FAM221B: variants seen among roughly 807,000 people sequenced by gnomAD.
The protein encoded by FAM221B is protein FAM221B.
In FAM221B, 35 loss-of-function variants were observed where a neutral mutation model predicts 39.8. The ratio of observed to expected loss-of-function variants is 0.88; its 90% CI spans 0.67 to 1.17. The LOEUF (loss-of-function observed/expected upper bound fraction) is 1.17, where lower values mean the gene tolerates loss of function less well. Among genes scored for constraint, FAM221B ranks in the 50% most tolerant of loss-of-function variants. The probability of loss-of-function intolerance (pLI) is 0.00; values close to 1 mark genes in which losing one functional copy is unlikely to be tolerated. For synonymous variants in FAM221B, 158 were observed against 178.1 expected (o/e 0.89, Z 0.90); for missense variants, 479 against 503.1 (o/e 0.95, Z 0.46).
chr9:35,820,088 G>C, intron 3 of FAM221B, 88 bp from the exon 4 acceptor site: 1 of 909,374 alleles, frequency 1.1e-6, no homozygotes, highest in South Asian at 1.5e-5. Context: ...AGGTGAGGGG[G>C]TGGGGGGAAC....
chr9:35,822,037 A>G (rs1163074702), intron 3 of FAM221B, among the ~76,000 whole-genome samples: 1 of 152,226 alleles, frequency 6.6e-6, no homozygotes, highest in Non-Finnish European at 1.5e-5. Flanking sequence ...GTATGTCTCC[A>G]TAAAACACAT....
In FAM221B at chr9:35,825,264, C is replaced by T. The variant is rs1183943625; in HGVS notation, c.708G>A (p.Trp236Ter). The T allele has an allele frequency of 6.2e-7, 1 of 1,614,118 alleles. No homozygotes were observed. The highest frequency in any genetic ancestry group is 8.5e-7 in the Non-Finnish European group (1 of 1,180,050). The change falls in exon 3 of 7, where the codon TGG becomes TGA. Residue 236 changes from tryptophan (W) to a stop codon, truncating the protein, a stop_gained. Coordinates refer to ENST00000423537, the MANE Select transcript of FAM221B (RefSeq NM_001012446.4). LOFTEE classifies it high-confidence loss of function. This position sits in a 1 kb window ranked among gnomAD's most constrained non-coding sequence, Gnocchi z 4.2. ...TGGCATTCAGGGCTGCATCCTTCTC[C>T]CACTGGAAAAGATTGTTCACTTGAG... ...FGAQVNNLFQ[W>*]EKDAALNAIQ...
intron 3 of FAM221B, 50 bp from the exon 4 acceptor site, chr9:35,820,050 C>G (rs72727073): frequency 1.5e-5 from 21 of 1,390,408 alleles, no homozygotes; most frequent in South Asian, 3.5e-5. Flanking sequence ...TAAGCTCCCC[C>G]GAAGTGTTCT....
intron 3 of FAM221B, among the ~76,000 whole-genome samples, chr9:35,822,231 C>T (rs556699304): frequency 1.3e-5 from 2 of 152,270 alleles, no homozygotes; most frequent in East Asian, 3.9e-4. Context: ...CAACACATGC[C>T]TACCAAGCAT....
Position 35,828,456 on chromosome 9 carries a change from C to CACCT in FAM221B, c.-1+3_-1+6dup. ...AGAGGGCAAGGGCCGTTGGAGAAACCACCTACCCTCTGGGCTTTGGCTTGG... is the reference window on the plus strand; with the variant it reads ...AGAGGGCAAGGGCCGTTGGAGAAACCACCTACCTACCCTCTGGGCTTTGGCTTGG... On this transcript the variant is annotated splice_region_variant and intron_variant, in intron 1 of 6. Transcript: ENST00000423537. The surrounding 1 kb of genome is among the most constrained non-coding windows in gnomAD (Gnocchi z 4.5). 1 of 985,182 alleles carries CACCT rather than the reference C, an allele frequency of 1.0e-6. No homozygotes were observed. Among genetic ancestry groups the CACCT allele is most frequent in the Non-Finnish European group, 1.2e-6 (1 of 829,758 alleles). The allele number at this position is 985,182 out of a possible 1,614,324, so 61.0% of individuals were successfully genotyped here.
Position 35,818,385 on chromosome 9 carries a change from C to G in FAM221B, c.*84G>C. ...TCAACTCTAAGTTATTAGGCAGTCT[C>G]TCCCTGGGCTGGGATCTACCTGCCC... On this transcript the variant is annotated 3_prime_UTR_variant, in exon 7 of 7. Transcript: ENST00000423537. The G allele has an allele frequency of 3.1e-6, 4 of 1,296,304 alleles. No homozygotes were observed. Among genetic ancestry groups the G allele is most frequent in the Non-Finnish European group, 3.3e-6 (3 of 915,298 alleles). 80.3% of individuals were successfully genotyped at this position (1,296,304 alleles called of 1,614,324 possible). A position where few individuals can be genotyped will look rare whatever the true frequency, so the allele number is the denominator to read the frequency against.
chr9:35,818,545 G>C (rs370063671), intron 6 of FAM221B, 39 bp from the exon 7 acceptor site: 1 of 1,546,766 alleles, frequency 6.5e-7, no homozygotes, highest in Non-Finnish European at 8.7e-7. Flanking sequence ...GGTCAGGTAT[G>C]GGGGTCAGAA....
At chr9:35,822,933 T>C (rs1394991332) in intron 3 of FAM221B, among the ~76,000 whole-genome samples, 1 of 152,240 alleles carries the variant, frequency 6.6e-6, no homozygotes, top group African/African-American at 2.4e-5. Flanking sequence ...CTAGTGACTC[T>C]CAGTTGCCCT....
chr9:35,818,327 C>T lies in FAM221B; in HGVS notation c.*142G>A. ...TGTGAGTGTGATGGAGGCAGATGGC[C>T]AGATCCAGGCTTTCTCCTGTGTCTA... is the stretch of plus-strand genomic sequence containing the variant. On this transcript the variant is annotated 3_prime_UTR_variant, in exon 7 of 7. Coordinates refer to ENST00000423537, the MANE Select transcript of FAM221B (RefSeq NM_001012446.4). 2 of 768,544 alleles carry T rather than the reference C, an allele frequency of 2.6e-6. No homozygotes were observed. Among genetic ancestry groups the T allele is most frequent in the Non-Finnish European group, 4.3e-6 (2 of 461,312 alleles). 47.6% of individuals were successfully genotyped at this position (768,544 alleles called of 1,614,324 possible).
In FAM221B at chr9:35,816,898, C is replaced by G. The variant is rs1196247696; in HGVS notation, c.*1571G>C. On this transcript the variant is annotated 3_prime_UTR_variant, in exon 7 of 7. Transcript: ENST00000423537. Reference sequence around the variant, plus strand: ...TGGCCTCTTCTCTGGGCCCCAGAGGCTGCAGTTCTCTGTGGTGCCTCTGGG... The same window carrying G: ...TGGCCTCTTCTCTGGGCCCCAGAGGGTGCAGTTCTCTGTGGTGCCTCTGGG... 1 of 152,172 alleles carries G rather than the reference C, an allele frequency of 6.6e-6. No homozygotes were observed. The highest frequency in any genetic ancestry group is 1.5e-5 in the Non-Finnish European group (1 of 68,016). 9.4% of individuals were successfully genotyped at this position (152,172 alleles called of 1,614,324 possible). A position where few individuals can be genotyped will look rare whatever the true frequency, so the allele number is the denominator to read the frequency against.
Position 35,818,876 on chromosome 9 carries a change from G to A in FAM221B, c.1171+14C>T. On this transcript the variant is annotated intron_variant, in intron 6 of 6. Transcript: ENST00000423537. Reference sequence around the variant, plus strand: ...GACCCTGGAATGGCCCCCTGTCCCAGGTTTCTGCCTCACCGCGAGGCCTTC... The same window carrying A: ...GACCCTGGAATGGCCCCCTGTCCCAAGTTTCTGCCTCACCGCGAGGCCTTC... 1 of 1,551,524 alleles carries A rather than the reference G, an allele frequency of 6.4e-7. No individual in the cohort carries two copies. The highest frequency in any genetic ancestry group is 8.7e-7 in the Non-Finnish European group (1 of 1,147,034).
chr9:35,825,977 G>A lies in FAM221B; in HGVS notation c.185C>T (p.Pro62Leu). Residue 62 changes from proline to leucine, a missense_variant, in exon 2 of 7, where the codon CCT (proline) becomes CTT (leucine). Coordinates refer to ENST00000423537, the MANE Select transcript of FAM221B (RefSeq NM_001012446.4). This position sits in a 1 kb window ranked among gnomAD's most constrained non-coding sequence, Gnocchi z 4.2. Reference sequence around the variant, plus strand: ...ATGGGCCTCTAAGGGGATCTGGGAAGGGGATGGCACCAAAGGGGATTCAGA... The same window carrying A: ...ATGGGCCTCTAAGGGGATCTGGGAAAGGGATGGCACCAAAGGGGATTCAGA... ...HTSESPLVPSPSQIPLEAHSP... is the reference protein window; with the variant it reads ...HTSESPLVPSLSQIPLEAHSP... The A allele has an allele frequency of 1.2e-6, 2 of 1,614,148 alleles. No individual in the cohort carries two copies. Among genetic ancestry groups the A allele is most frequent in the East Asian group, 4.5e-5 (2 of 44,876 alleles).
Position 35,816,392 on chromosome 9 carries a change from T to C in FAM221B, c.*2077A>G, listed in dbSNP as rs1829023128. ...CCACTGTTTCTTTGGTTTTTCTTTTTTTCTTTTTTTTTTTTTTAAACACAT... is the reference window on the plus strand; with the variant it reads ...CCACTGTTTCTTTGGTTTTTCTTTTCTTCTTTTTTTTTTTTTTAAACACAT... On this transcript the variant is annotated 3_prime_UTR_variant, in exon 7 of 7. Transcript: ENST00000423537. The C allele has an allele frequency of 1.3e-5, 2 of 151,808 alleles. No individual in the cohort carries two copies. The highest frequency in any genetic ancestry group is 6.6e-5 in the Admixed American group (1 of 15,252). 9.4% of individuals were successfully genotyped at this position (151,808 alleles called of 1,614,324 possible).
chr9:35,818,615 G>A, intron 6 of FAM221B, 109 bp from the exon 7 acceptor site: 1 of 1,194,528 alleles, frequency 8.4e-7, no homozygotes, highest in Non-Finnish European at 1.2e-6. Flanking sequence ...GGTGGGAGCT[G>A]GGAAGGCCAG....
chr9:35,824,817 G>A (rs1278517166), intron 3 of FAM221B, among the ~76,000 whole-genome samples: 1 of 151,978 alleles, frequency 6.6e-6, no homozygotes, highest in African/African-American at 2.4e-5. Flanking sequence ...GAGTAGCTGG[G>A]ACTACAGGCA....
chr9:35,823,359 T>C (rs1829193950), intron 3 of FAM221B, among the ~76,000 whole-genome samples: 1 of 152,226 alleles, frequency 6.6e-6, no homozygotes, highest in African/African-American at 2.4e-5. Flanking sequence ...CTTCCATAGC[T>C]AGCTCAATGC....
At chr9:35,824,689 T>G (rs1223895953) in intron 3 of FAM221B, among the ~76,000 whole-genome samples, 3 of 150,902 alleles carry the variant, frequency 2.0e-5, no homozygotes, top group Non-Finnish European at 3.0e-5. Flanking sequence ...TTTTGGTTTT[T>G]TTTTTTTTTT....
intron 3 of FAM221B, among the ~76,000 whole-genome samples, chr9:35,824,534 G>A (rs1390849745): frequency 1.3e-5 from 2 of 152,158 alleles, no homozygotes; most frequent in African/African-American, 4.8e-5. Flanking sequence ...CCACCAAAGG[G>A]ACTAAGGTCT....
In FAM221B at chr9:35,820,013, G is replaced by A. The variant is rs560343212; in HGVS notation, c.743-13C>T. ...CCAATGTAGAGACCTAGGTATGCAG[G>A]ATTAAAAGTGAGAAGTAAAAAAATT... On this transcript the variant is annotated splice_polypyrimidine_tract_variant and intron_variant, in intron 3 of 6. Transcript: ENST00000423537. 2 of 1,590,040 alleles carry A rather than the reference G, an allele frequency of 1.3e-6. No individual in the cohort carries two copies. Among genetic ancestry groups the A allele is most frequent in the East Asian group, 2.2e-5 (1 of 44,720 alleles).
Sources: allele counts gnomAD v4.1 joint callset (sites outside exome capture counted in the v4.1 genomes callset), GRCh38; gene constraint gnomAD v4.1.1; non-coding constraint Gnocchi (gnomAD v3.1); transcripts MANE v1.5; gene names NCBI Gene and HGNC (gene_info 2026-07-23, HGNC 2026-07-21).